The following CA10 variants were observed in gnomAD, a reference collection of about 807,000 sequenced individuals.
CA10 encodes carbonic anhydrase 10 (inactive).
Under a neutral mutation model 44.2 loss-of-function variants are expected in CA10, and 14 were observed. The observed-to-expected ratio is 0.32, with a 90% CI of 0.21 to 0.50. The LOEUF is 0.50. Ranked by LOEUF, CA10 falls within the 20% of genes least tolerant of loss-of-function variation. CA10 has a pLI of 0.99. For synonymous variants in CA10, 159 were observed against 141.6 expected, an observed-to-expected ratio of 1.12 and a Z score of -0.87; for missense variants, 350 against 409.7, an observed-to-expected ratio of 0.85 and a Z score of 1.26.
chr17:51,836,305 T>G (rs1048711100), intron 3 of CA10, among the ~76,000 whole-genome samples: 1 of 152,234 alleles, frequency 6.6e-6, no homozygotes, highest in Admixed American at 6.5e-5. Flanking sequence ...AAAACTGTCA[T>G]TACTCCTCTT....
chr17:51,680,075 A>G (rs1451337511), intron 4 of CA10, among the ~76,000 whole-genome samples: 5 of 152,164 alleles, frequency 3.3e-5, no homozygotes, highest in South Asian at 2.1e-4. Flanking sequence ...GAAGCCTAAC[A>G]TGTTTACTAT....
chr17:51,761,319 C>T (rs1905211563), intron 3 of CA10: 1 of 152,130 alleles, frequency 6.6e-6, no homozygotes, highest in Non-Finnish European at 1.5e-5. Flanking sequence ...AGCCAAGTGA[C>T]AGTTGCCTGG....
intron 3 of CA10, among the ~76,000 whole-genome samples, chr17:51,844,405 ATATT>A (rs1395598786): frequency 1.6e-4 from 24 of 152,340 alleles, no homozygotes; most frequent in African/African-American, 3.6e-4. Flanking sequence ...GTGAATAGTT[ATATT>A]TATTACCTGA....
Position 51,861,924 on chromosome 17 carries a change from T to C in CA10, c.279+69066A>G, listed in dbSNP as rs531403823. On this transcript the variant is annotated intron_variant, in intron 3 of 8. Transcript: ENST00000451037. ...CCCATGATTTTCTTAAAATGAACTA[T>C]AATGGATTCTGTAAGGCTAGAAAGG... is the stretch of plus-strand genomic sequence containing the variant. Among the ~76,000 whole-genome samples the C allele has an allele frequency of 1.5e-4, 23 of 152,320 alleles. No individual in the cohort carries two copies. In the South Asian group the frequency reaches 2.9e-3, roughly 19 times the overall value.
At chr17:52,159,919 C>A (rs890999656), upstream of CA10, 1 of 152,134 alleles carries the variant, frequency 6.6e-6, no homozygotes, top group Non-Finnish European at 1.5e-5. Context: ...AAAGCTCAAA[C>A]CTACCTCTTT....
At chr17:52,080,056 G>A (rs1354942460) in intron 1 of CA10, among the ~76,000 whole-genome samples, 6 of 152,222 alleles carry the variant, frequency 3.9e-5, no homozygotes, top group Non-Finnish European at 8.8e-5. Flanking sequence ...CCAGACCTAA[G>A]CAAGCTGACA....
At chr17:51,999,322 T>A (rs1373794907) in intron 2 of CA10, among the ~76,000 whole-genome samples, 2 of 152,024 alleles carry the variant, frequency 1.3e-5, no homozygotes, top group Non-Finnish European at 2.9e-5. Flanking sequence ...ACACAGGTAT[T>A]GAAAATGAAG....
At chr17:51,897,473 T>G (rs1472497414) in intron 3 of CA10, among the ~76,000 whole-genome samples, 2 of 152,194 alleles carry the variant, frequency 1.3e-5, no homozygotes, top group African/African-American at 4.8e-5. Flanking sequence ...TGTAGCCTTG[T>G]AGTATAATTT....
chr17:51,842,243 A>AT (rs899150899), intron 3 of CA10, among the ~76,000 whole-genome samples: 25 of 152,184 alleles, frequency 1.6e-4, no homozygotes, highest in Middle Eastern at 3.4e-3. Context: ...TATAACACTT[A>AT]TTTTTTTTAA....
chr17:51,908,915 G>C (rs1981675064), intron 3 of CA10, among the ~76,000 whole-genome samples: 1 of 152,124 alleles, frequency 6.6e-6, no homozygotes, highest in African/African-American at 2.4e-5. Context: ...ATGCTAATCT[G>C]ATATCGACAC....
intron 2 of CA10, among the ~76,000 whole-genome samples, chr17:52,003,166 A>AC (rs1433899335): frequency 6.6e-5 from 10 of 151,920 alleles, no homozygotes; most frequent in African/African-American, 2.4e-4. Flanking sequence ...TAACCTGTGG[A>AC]CCACTGTACA....
intron 3 of CA10, among the ~76,000 whole-genome samples, chr17:51,915,829 T>C (rs1335741255): frequency 6.6e-6 from 1 of 152,092 alleles, no homozygotes. Context: ...CTTTTTGTAA[T>C]CGCAAAAGGA....
At chr17:51,942,331 C>T (rs977285651) in intron 2 of CA10, among the ~76,000 whole-genome samples, 1 of 151,976 alleles carries the variant, frequency 6.6e-6, no homozygotes, top group South Asian at 2.1e-4. Flanking sequence ...TGGAACGAAA[C>T]CACATATATA....
At chr17:51,792,314 C>G (rs1906552522) in intron 3 of CA10, among the ~76,000 whole-genome samples, 1 of 152,134 alleles carries the variant, frequency 6.6e-6, no homozygotes, top group Non-Finnish European at 1.5e-5. Flanking sequence ...ATGTTTTGCA[C>G]AAGACAGAGG....
chr17:51,987,612 C>A (rs1340358780), intron 2 of CA10, among the ~76,000 whole-genome samples: 1 of 151,638 alleles, frequency 6.6e-6, no homozygotes, highest in African/African-American at 2.4e-5. Flanking sequence ...AATATTTATT[C>A]AGAATATTCT....
At chr17:52,045,835 A>T (rs913638534) in intron 2 of CA10, among the ~76,000 whole-genome samples, 2 of 152,014 alleles carry the variant, frequency 1.3e-5, no homozygotes, top group Non-Finnish European at 2.9e-5. Flanking sequence ...CATGTTTTGC[A>T]ATTTGATCAT....
At chr17:51,835,528 C>T (rs1908445808) in intron 3 of CA10, among the ~76,000 whole-genome samples, 1 of 152,164 alleles carries the variant, frequency 6.6e-6, no homozygotes, top group African/African-American at 2.4e-5. Flanking sequence ...AGTATAGGCA[C>T]TGAAAGCAAA....
chr17:51,840,678 G>A (rs902430747), intron 3 of CA10, among the ~76,000 whole-genome samples: 2 of 152,094 alleles, frequency 1.3e-5, no homozygotes, highest in Non-Finnish European at 2.9e-5. Context: ...TTGAGTCTGA[G>A]ATTCCCATGG....
chr17:51,912,923 A>G (rs1365169252), intron 3 of CA10, among the ~76,000 whole-genome samples: 1 of 152,222 alleles, frequency 6.6e-6, no homozygotes, highest in Non-Finnish European at 1.5e-5. Flanking sequence ...GCATTCAAAG[A>G]ATCTCATAGC....
Sources: gnomAD v4.1 joint callset for allele counts (sites outside exome capture counted in the v4.1 genomes callset) on GRCh38, gnomAD v4.1.1 for gene constraint, MANE v1.5 for transcripts, NCBI Gene and HGNC (gene_info 2026-07-23, HGNC 2026-07-21) for gene names.